The following GALNTL6 variants were observed in gnomAD, a reference collection of about 807,000 sequenced individuals.
GALNTL6 encodes the protein polypeptide N-acetylgalactosaminyltransferase-like 6.
Under a neutral mutation model 73.7 loss-of-function variants are expected in GALNTL6, and 46 were observed. The observed-to-expected ratio is 0.62, with a 90% CI of 0.49 to 0.80. GALNTL6 has a LOEUF of 0.80. GALNTL6 is among the 30% of genes least tolerant of loss of function. The probability of loss-of-function intolerance (pLI) is 0.00; values close to 1 mark genes in which losing one functional copy is unlikely to be tolerated. For missense variants in GALNTL6, 604 were observed against 755.0 expected (o/e 0.80, Z 2.34); for synonymous variants, 259 against 263.7 (o/e 0.98, Z 0.17).
chr4:172,022,145 G>A (rs1741425449), intron 2 of GALNTL6, among the ~76,000 whole-genome samples: 1 of 151,984 alleles, frequency 6.6e-6, no homozygotes, highest in Non-Finnish European at 1.5e-5. Flanking sequence ...AAGGTGAAGA[G>A]ACAACCTACA....
chr4:171,831,632 G>A (rs1224851544), intron 2 of GALNTL6, among the ~76,000 whole-genome samples: 1 of 151,788 alleles, frequency 6.6e-6, no homozygotes, highest in Non-Finnish European at 1.5e-5. Flanking sequence ...AGGTTTATTG[G>A]CTAGATTTAA....
At chr4:172,282,220 G>A (rs1368473598) in intron 3 of GALNTL6, among the ~76,000 whole-genome samples, 1 of 152,074 alleles carries the variant, frequency 6.6e-6, no homozygotes, top group Non-Finnish European at 1.5e-5. Flanking sequence ...ATAGTCTAGA[G>A]ATTTAAGCAA....
intron 4 of GALNTL6, 40 bp downstream of exon 4, chr4:172,311,792 G>GTT: frequency 1.3e-5 from 17 of 1,324,008 alleles, no homozygotes; most frequent in South Asian, 1.8e-5. Context: ...GGGTTTTTTT[G>GTT]GTTTTTTTTG....
intron 2 of GALNTL6, among the ~76,000 whole-genome samples, chr4:171,994,311 C>G (rs186490936): frequency 4.5e-4 from 68 of 152,082 alleles, no homozygotes; most frequent in Non-Finnish European, 8.7e-4. Flanking sequence ...AATGAGCCAG[C>G]CTGGAAATGA....
In GALNTL6 at chr4:172,804,967, C is replaced by CCAACCAATGG. The variant is rs1278284214; in HGVS notation, c.554-4393_554-4384dup. Reference sequence around the variant, plus strand: ...CATAGCCAAGGAAAACACCAAAATACCAACCAATGGGATGCTTTTAAAAGG... The same window carrying CCAACCAATGG: ...CATAGCCAAGGAAAACACCAAAATACCAACCAATGGCAACCAATGGGATGCTTTTAAAAGG... On this transcript the variant is annotated intron_variant, in intron 5 of 12. Coordinates refer to ENST00000506823, the MANE Select transcript of GALNTL6 (RefSeq NM_001034845.3). 7.2e-5 allele frequency among the ~76,000 whole-genome samples: 11 copies of CCAACCAATGG among 152,182 alleles called. No homozygotes were observed. The South Asian group carries it at 2.3e-3, about 32-fold the overall frequency.
At chr4:172,087,220 G>A (rs1032726851) in intron 2 of GALNTL6, among the ~76,000 whole-genome samples, 1 of 152,074 alleles carries the variant, frequency 6.6e-6, no homozygotes, top group East Asian at 1.9e-4. Context: ...GAGGCAGGCG[G>A]CTCACGAGGT....
At chr4:172,351,921 CA>C (rs1205586393) in intron 5 of GALNTL6, among the ~76,000 whole-genome samples, 3 of 152,100 alleles carry the variant, frequency 2.0e-5, no homozygotes, top group Non-Finnish European at 4.4e-5. Flanking sequence ...TAAACTTTAA[CA>C]AGACTTAATC....
rs529359962 is a variant in GALNTL6 at position 172,454,404 on chromosome 4, T to G, written c.553+105715T>G. ...CAATAGCTTCTAGGACCATTATGTC[T>G]CTGTTTCTCAAGTTGGTCTATTTAA... On this transcript the variant is annotated intron_variant, in intron 5 of 12. Transcript: ENST00000506823. 2.6e-5 allele frequency among the ~76,000 whole-genome samples: 4 copies of G among 152,208 alleles called. No individual in the cohort carries two copies. In the East Asian group the frequency reaches 7.7e-4, roughly 29 times the overall value.
At chr4:171,881,632 G>A (rs1736451710) in intron 2 of GALNTL6, among the ~76,000 whole-genome samples, 2 of 152,170 alleles carry the variant, frequency 1.3e-5, no homozygotes, top group African/African-American at 4.8e-5. Context: ...CTGACACTCA[G>A]TATTAACCAT....
At chr4:172,482,276 G>T (rs1733516660) in intron 5 of GALNTL6, among the ~76,000 whole-genome samples, 1 of 152,230 alleles carries the variant, frequency 6.6e-6, no homozygotes. Context: ...CCCGCAAGCA[G>T]AGGGAGCTGG....
At chr4:172,807,657 G>A (rs1741043042) in intron 5 of GALNTL6, among the ~76,000 whole-genome samples, 1 of 152,134 alleles carries the variant, frequency 6.6e-6, no homozygotes, top group Non-Finnish European at 1.5e-5. Flanking sequence ...CACCATTGTG[G>A]AGCTCCCTCC....
chr4:171,939,359 C>G (rs1205012323), intron 2 of GALNTL6, among the ~76,000 whole-genome samples: 1 of 151,894 alleles, frequency 6.6e-6, no homozygotes, highest in Non-Finnish European at 1.5e-5. Context: ...ATTTGATATA[C>G]TATTCTTGGG....
intron 3 of GALNTL6, among the ~76,000 whole-genome samples, chr4:172,254,757 A>G (rs1001361154): frequency 4.0e-5 from 6 of 151,744 alleles, no homozygotes; most frequent in African/African-American, 9.7e-5. Context: ...CATAAATATT[A>G]TCAACTCCAT....
chr4:172,373,855 C>A (rs1038602057), intron 5 of GALNTL6, among the ~76,000 whole-genome samples: 1 of 152,146 alleles, frequency 6.6e-6, no homozygotes, highest in Admixed American at 6.5e-5. Flanking sequence ...TGGTAATGGA[C>A]CTTGAGGACA....
In GALNTL6 at chr4:172,198,404, C is replaced by G. The variant is rs147826465; in HGVS notation, c.139-31252C>G. On this transcript the variant is annotated intron_variant, in intron 2 of 12. Coordinates refer to ENST00000506823, the MANE Select transcript of GALNTL6 (RefSeq NM_001034845.3). The stretch of plus-strand genomic sequence containing the variant: ...GTCCTGAATCTTCAAGGAAATTAAA[C>G]AAATTTACAAGAAAAAAAAAAGACC... Among the ~76,000 whole-genome samples, 633 of 146,978 alleles carry G rather than the reference C, an allele frequency of 4.3e-3. 3 individuals are homozygous for G. Among genetic ancestry groups the G allele is most frequent in the African/African-American group, 0.015 (591 of 39,898 alleles).
intron 5 of GALNTL6, among the ~76,000 whole-genome samples, chr4:172,614,956 G>A (rs934660138): frequency 6.6e-6 from 1 of 152,110 alleles, no homozygotes; most frequent in Admixed American, 6.6e-5. Context: ...CAGAAGAAAC[G>A]TGTGCTTCCC....
intron 5 of GALNTL6, among the ~76,000 whole-genome samples, chr4:172,496,684 A>G (rs1734082913): frequency 6.6e-6 from 1 of 152,182 alleles, no homozygotes. Context: ...CCTTATCTCA[A>G]AAAATAATTA....
intron 4 of GALNTL6, 47 bp from the exon 5 acceptor site, chr4:172,348,476 C>T (rs753967207): frequency 8.4e-5 from 123 of 1,457,900 alleles, no homozygotes; most frequent in Non-Finnish European, 1.2e-4. Context: ...ATAAGATATA[C>T]AAGAGTTTTG....
intron 5 of GALNTL6, among the ~76,000 whole-genome samples, chr4:172,446,473 A>G (rs1268917918): frequency 6.6e-6 from 1 of 152,208 alleles, no homozygotes; most frequent in African/African-American, 2.4e-5. Context: ...ACTACTAGGA[A>G]TTAACTAGGT....
Sources: gnomAD v4.1 joint callset for allele counts (sites outside exome capture counted in the v4.1 genomes callset) on GRCh38, gnomAD v4.1.1 for gene constraint, MANE v1.5 for transcripts, NCBI Gene and HGNC (gene_info 2026-07-23, HGNC 2026-07-21) for gene names.